The following PTDSS1 variants were observed in gnomAD, a reference collection of about 807,000 sequenced individuals.
PTDSS1 encodes the protein phosphatidylserine synthase 1.
Under a neutral mutation model 70.5 loss-of-function variants are expected in PTDSS1, and 45 were observed. The ratio of observed to expected loss-of-function variants is 0.64; its 90% CI spans 0.50 to 0.82. The LOEUF is 0.82. Ranked by LOEUF, PTDSS1 falls within the 40% of genes least tolerant of loss-of-function variation. The probability of loss-of-function intolerance (pLI) is 0.00; values close to 1 mark genes in which losing one functional copy is unlikely to be tolerated. For synonymous variants in PTDSS1, 188 were observed against 203.8 expected, an observed-to-expected ratio of 0.92 and a Z score of 0.66; for missense variants, 417 against 586.1, an observed-to-expected ratio of 0.71 and a Z score of 2.98.
At chr8:96,293,601 G>C (rs1810936354) in intron 4 of PTDSS1, among the ~76,000 whole-genome samples, 1 of 152,256 alleles carries the variant, frequency 6.6e-6, no homozygotes, top group Non-Finnish European at 1.5e-5. Context: ...GTCTTATGAG[G>C]GGATAATTGG....
chr8:96,333,807 T>A lies in PTDSS1; in HGVS notation c.*241T>A. ...TCTCTTCTAACTTCAGCACTTGACA[T>A]GCGGTCACCGGTGGCAGCGCGGTGT... On this transcript the variant is annotated 3_prime_UTR_variant, in exon 13 of 13. Coordinates refer to ENST00000517309, the MANE Select transcript of PTDSS1 (RefSeq NM_014754.3). The A allele has an allele frequency of 2.9e-6, 2 of 695,038 alleles. No individual in the cohort carries two copies. The highest frequency in any genetic ancestry group is 5.2e-6 in the Non-Finnish European group (2 of 382,334). 43.1% of individuals were successfully genotyped at this position (695,038 alleles called of 1,614,324 possible).
chr8:96,298,427 G>C (rs1811005986), intron 5 of PTDSS1, among the ~76,000 whole-genome samples: 1 of 151,920 alleles, frequency 6.6e-6, no homozygotes, highest in Non-Finnish European at 1.5e-5. Flanking sequence ...TTTTTACATT[G>C]GGCCTTCACA....
At chr8:96,269,837 G>A (rs1810539656) in intron 1 of PTDSS1, among the ~76,000 whole-genome samples, 1 of 152,190 alleles carries the variant, frequency 6.6e-6, no homozygotes, top group Admixed American at 6.5e-5. Context: ...ACCTCAAAGA[G>A]TCCCTACCCA....
At chr8:96,266,620 C>T (rs1429649933) in intron 1 of PTDSS1, among the ~76,000 whole-genome samples, 1 of 152,122 alleles carries the variant, frequency 6.6e-6, no homozygotes, top group African/African-American at 2.4e-5. Context: ...CATCATGTTC[C>T]TTCTCTCCCA....
At chr8:96,297,912 T>C (rs1323201727) in intron 5 of PTDSS1, among the ~76,000 whole-genome samples, 1 of 152,234 alleles carries the variant, frequency 6.6e-6, no homozygotes, top group African/African-American at 2.4e-5. Flanking sequence ...CACAAATCTG[T>C]AGTGAATGAA....
intron 2 of PTDSS1, among the ~76,000 whole-genome samples, chr8:96,280,546 T>G (rs1393237801): frequency 1.3e-5 from 2 of 151,806 alleles, no homozygotes; most frequent in African/African-American, 2.4e-5. Flanking sequence ...CCAGCCTAGG[T>G]GACAGGGTGA....
intron 1 of PTDSS1, among the ~76,000 whole-genome samples, chr8:96,266,269 C>A (rs910812768): frequency 6.6e-6 from 1 of 152,214 alleles, no homozygotes; most frequent in Non-Finnish European, 1.5e-5. Flanking sequence ...GAAGACGTTG[C>A]CTTTCTGCGG....
intron 7 of PTDSS1, among the ~76,000 whole-genome samples, chr8:96,304,503 A>G (rs1409482296): frequency 6.6e-6 from 1 of 152,224 alleles, no homozygotes; most frequent in Non-Finnish European, 1.5e-5. Context: ...GATCATTTTC[A>G]AGACCAAAGG....
chr8:96,299,642 TG>T, intron 5 of PTDSS1, 51 bp from the exon 6 acceptor site: 1 of 1,516,540 alleles, frequency 6.6e-7, no homozygotes, highest in Non-Finnish European at 8.9e-7. Context: ...TCTATCTGCA[TG>T]GTACCCCAGT....
At chr8:96,312,188 C>T (rs1169923301) in intron 9 of PTDSS1, among the ~76,000 whole-genome samples, 3 of 152,230 alleles carry the variant, frequency 2.0e-5, no homozygotes, top group Non-Finnish European at 2.9e-5. Flanking sequence ...TGGCGGCTCA[C>T]GCCTGTAATC....
At position 96,273,447 on chromosome 8, in the gene PTDSS1, T is replaced by A. The variant is rs1586182453; in HGVS notation, c.271+57T>A. On this transcript the variant is annotated intron_variant, in intron 2 of 12. Coordinates refer to ENST00000517309, the MANE Select transcript of PTDSS1 (RefSeq NM_014754.3). ...CTATATTGTGCCTTTCTGGTTTTTT[T>A]GAGATGTGAGTCATCTAGAAGATGA... 8.7e-6 allele frequency: 11 copies of A among 1,264,908 alleles called. No homozygotes were observed. In the East Asian group the frequency reaches 2.6e-4, roughly 30 times the overall value. The allele number at this position is 1,264,908 out of a possible 1,614,324, so 78.4% of individuals were successfully genotyped here. A position where few individuals can be genotyped will look rare whatever the true frequency, so the allele number is the denominator to read the frequency against.
In PTDSS1 at chr8:96,320,292, G is replaced by A; in HGVS notation, c.1120G>A (p.Asp374Asn). The A allele has an allele frequency of 6.2e-7, 1 of 1,613,558 alleles. No individual in the cohort carries two copies. Among genetic ancestry groups the A allele is most frequent in the Non-Finnish European group, 8.5e-7 (1 of 1,179,504 alleles). Residue 374 changes from aspartate (D) to asparagine (N), a missense_variant, in exon 10 of 13, where the codon GAT becomes AAT. By Grantham distance (23) the Asp-to-Asn change is conservative (BLOSUM62 1). This residue lies in a region of PTDSS1 where 107 missense variants were observed against 122.3 expected (regional missense o/e 0.88). Coordinates refer to ENST00000517309, the MANE Select transcript of PTDSS1 (RefSeq NM_014754.3). ...CATTGTTTGCATAAAATTTGGACAA[G>A]ATCTCTTCTCTAAGACCCAAATACT... The part of the protein sequence containing the change: ...EAIVCIKFGQ[D>N]LFSKTQILYV...
intron 9 of PTDSS1, among the ~76,000 whole-genome samples, chr8:96,315,615 TC>T (rs1811277023): frequency 6.6e-6 from 1 of 152,106 alleles, no homozygotes; most frequent in Non-Finnish European, 1.5e-5. Context: ...TGGAACTGGC[TC>T]CACAAGTCGG....
chr8:96,319,487 G>A (rs981752563), intron 9 of PTDSS1, among the ~76,000 whole-genome samples: 1 of 131,358 alleles, frequency 7.6e-6, no homozygotes, highest in Non-Finnish European at 1.7e-5. Context: ...TAAGTGTGTG[G>A]CGTTTCTTAA....
chr8:96,269,374 T>G (rs900555743), intron 1 of PTDSS1, among the ~76,000 whole-genome samples: 1 of 152,212 alleles, frequency 6.6e-6, no homozygotes, highest in Non-Finnish European at 1.5e-5. Context: ...TGAAAGTTCT[T>G]TGGAGTGTTC....
At chr8:96,324,078 T>G (rs1450069596) in intron 10 of PTDSS1, among the ~76,000 whole-genome samples, 1 of 152,208 alleles carries the variant, frequency 6.6e-6, no homozygotes, top group Non-Finnish European at 1.5e-5. Flanking sequence ...AGCCAAGGTC[T>G]TTGCTACTGT....
At chr8:96,268,670 T>G (rs1446945649) in intron 1 of PTDSS1, among the ~76,000 whole-genome samples, 2 of 151,868 alleles carry the variant, frequency 1.3e-5, no homozygotes, top group African/African-American at 4.8e-5. Flanking sequence ...AGGGCTTTCC[T>G]GATACTTCCT....
At chr8:96,329,867 G>GA (rs1024156459) in intron 10 of PTDSS1, among the ~76,000 whole-genome samples, 4 of 152,188 alleles carry the variant, frequency 2.6e-5, no homozygotes, top group African/African-American at 9.6e-5. Context: ...AATGGACCCT[G>GA]AAAATCAGAA....
At chr8:96,321,891 T>C (rs7006099) in intron 10 of PTDSS1, among the ~76,000 whole-genome samples, 140,552 of 152,232 alleles carry the variant, frequency 0.92, 65,091 homozygotes, top group Non-Finnish European at 0.94. Context: ...GTATATTTTT[T>C]CATGTCAGTG....
Sources: allele counts gnomAD v4.1 joint callset (sites outside exome capture counted in the v4.1 genomes callset), GRCh38; gene constraint gnomAD v4.1.1; regional missense constraint gnomAD v4.1.1; transcripts MANE v1.5; gene names NCBI Gene and HGNC (gene_info 2026-07-23, HGNC 2026-07-21).